The following ADGRL2 variants were observed in gnomAD, a reference collection of about 807,000 sequenced individuals.
ADGRL2 encodes the protein adhesion G protein-coupled receptor L2.
ADGRL2 carries 44 observed loss-of-function variants against 157.4 expected under a neutral mutation model. That is an observed-to-expected ratio of 0.28 (90% CI 0.22 to 0.36). The LOEUF (loss-of-function observed/expected upper bound fraction) is 0.36. Among genes scored for constraint, ADGRL2 ranks in the 10% least tolerant of loss-of-function variants. The probability of loss-of-function intolerance (pLI) is 1.00; values close to 1 mark genes in which losing one functional copy is unlikely to be tolerated. For missense variants in ADGRL2, 1,510 were observed against 1,768.9 expected (o/e 0.85, Z 2.63); for synonymous variants, 585 against 624.7 (o/e 0.94, Z 0.95).
At chr1:81,332,025 C>A (rs74644709) in intron 1 of ADGRL2, among the ~76,000 whole-genome samples, 2,639 of 152,192 alleles carry the variant, frequency 0.017, 59 homozygotes, top group South Asian at 0.051. Flanking sequence ...ACAACACAAA[C>A]TCTTTCCATG....
chr1:81,967,509 C>T (rs907486848), intron 13 of ADGRL2, among the ~76,000 whole-genome samples: 6 of 152,144 alleles, frequency 3.9e-5, no homozygotes, highest in African/African-American at 1.2e-4. Flanking sequence ...GATCCGCCCG[C>T]CTCAGCCTCC....
intron 3 of ADGRL2, among the ~76,000 whole-genome samples, chr1:81,912,133 A>G (rs2094741979): frequency 6.6e-6 from 1 of 151,488 alleles, no homozygotes; most frequent in Admixed American, 6.6e-5. Context: ...GTGCAGTGGC[A>G]TGATCTCTGC....
intron 3 of ADGRL2, among the ~76,000 whole-genome samples, chr1:81,632,381 C>G (rs2082026579): frequency 6.6e-6 from 1 of 152,110 alleles, no homozygotes; most frequent in Non-Finnish European, 1.5e-5. Context: ...AGAAAGCACA[C>G]ACATCTGGAA....
At chr1:81,593,744 G>T (rs750886783) in intron 3 of ADGRL2, among the ~76,000 whole-genome samples, 10 of 152,098 alleles carry the variant, frequency 6.6e-5, no homozygotes, top group Non-Finnish European at 1.5e-4. Flanking sequence ...ATATTCTTGA[G>T]TTCCTTCTGT....
intron 2 of ADGRL2, among the ~76,000 whole-genome samples, chr1:81,772,789 A>G (rs573572177): frequency 6.6e-6 from 1 of 152,086 alleles, no homozygotes; most frequent in African/African-American, 2.4e-5. Context: ...ACAAGTAAAT[A>G]TTGTATTAAA....
intron 1 of ADGRL2, among the ~76,000 whole-genome samples, chr1:81,356,735 C>T (rs532335101): frequency 4.0e-4 from 61 of 151,706 alleles, no homozygotes; most frequent in African/African-American, 1.4e-3. Flanking sequence ...GGGTGGATCC[C>T]GAGGTCAGGA....
chr1:81,512,447 T>C (rs186586628), intron 2 of ADGRL2, among the ~76,000 whole-genome samples: 1 of 152,306 alleles, frequency 6.6e-6, no homozygotes, highest in African/African-American at 2.4e-5. Context: ...GTGTAGTTGC[T>C]GGAATGCGGC....
chr1:81,599,970 T>C (rs2081305470), intron 3 of ADGRL2, among the ~76,000 whole-genome samples: 1 of 152,324 alleles, frequency 6.6e-6, no homozygotes, highest in Non-Finnish European at 1.5e-5. Flanking sequence ...TTGATGTCTA[T>C]TATTTTCGTT....
At chr1:81,905,492 A>G (rs1015012599) in intron 2 of ADGRL2, among the ~76,000 whole-genome samples, 1 of 152,200 alleles carries the variant, frequency 6.6e-6, no homozygotes, top group African/African-American at 2.4e-5. Flanking sequence ...CCAATTCCCA[A>G]ATAGGTTTCA....
intron 23 of ADGRL2, among the ~76,000 whole-genome samples, chr1:81,989,279 T>C (rs757300122): frequency 3.3e-5 from 5 of 152,172 alleles, no homozygotes; most frequent in Non-Finnish European, 5.9e-5. Context: ...CATTCCATAG[T>C]TAATATTTAT....
chr1:81,631,154 C>T (rs1196182285), intron 3 of ADGRL2, among the ~76,000 whole-genome samples: 1 of 152,078 alleles, frequency 6.6e-6, no homozygotes, highest in Non-Finnish European at 1.5e-5. Context: ...ACTGGCCCCA[C>T]CACCCTCACT....
intron 1 of ADGRL2, among the ~76,000 whole-genome samples, chr1:81,827,804 A>G (rs1208063390): frequency 1.3e-5 from 2 of 152,090 alleles, no homozygotes; most frequent in South Asian, 2.1e-4. Flanking sequence ...ACCTCAGCCA[A>G]TCCACCGGCC....
At chr1:81,730,075 G>T (rs9324183) in intron 1 of ADGRL2, among the ~76,000 whole-genome samples, 47,242 of 151,896 alleles carry the variant, frequency 0.31, 7,534 homozygotes, top group South Asian at 0.44. Flanking sequence ...TCCTAGGAAG[G>T]CACAACTGTC....
At chr1:81,829,085 T>C (rs2091741210) in intron 1 of ADGRL2, among the ~76,000 whole-genome samples, 1 of 152,048 alleles carries the variant, frequency 6.6e-6, no homozygotes, top group Non-Finnish European at 1.5e-5. Flanking sequence ...CTAATTTTTG[T>C]GTTTTTAGTA....
chr1:81,901,192 C>T (rs79732824), intron 2 of ADGRL2, among the ~76,000 whole-genome samples: 3,226 of 152,078 alleles, frequency 0.021, 52 homozygotes, highest in South Asian at 0.036. Context: ...GATGTGGACC[C>T]AGTGTTAGAT....
chr1:81,661,992 A>G (rs1405029377), intron 3 of ADGRL2, among the ~76,000 whole-genome samples: 1 of 152,132 alleles, frequency 6.6e-6, no homozygotes, highest in Non-Finnish European at 1.5e-5. Flanking sequence ...AGTCAACTTA[A>G]GAGTTTTTTT....
At chr1:81,879,120 A>T (rs1233436488) in intron 2 of ADGRL2, among the ~76,000 whole-genome samples, 1 of 152,188 alleles carries the variant, frequency 6.6e-6, no homozygotes, top group Non-Finnish European at 1.5e-5. Flanking sequence ...ATTAGTTTAG[A>T]GATTATTGAA....
rs564301217 is a variant in ADGRL2, at chr1:81,810,637, A to G, written c.-101+9569A>G. Among the ~76,000 whole-genome samples the G allele has an allele frequency of 1.8e-3, 270 of 151,940 alleles. 1 individual carries two copies. Among genetic ancestry groups the G allele is most frequent in the African/African-American group, 6.3e-3 (261 of 41,512 alleles). On this transcript the variant is annotated intron_variant, in intron 1 of 23. Transcript: ENST00000686636. ...ATCTAAGACATTTTGGGAAACATTA[A>G]TTTTGATAATATTCTATGCTTATGT...
At chr1:81,946,892 A>G (rs773946869) in intron 6 of ADGRL2, among the ~76,000 whole-genome samples, 59 of 152,180 alleles carry the variant, frequency 3.9e-4, no homozygotes, top group Non-Finnish European at 7.3e-4. Context: ...AGTGAGGAGA[A>G]TATTACCCTT....
Sources: gnomAD v4.1 joint callset for allele counts (sites outside exome capture counted in the v4.1 genomes callset) on GRCh38, gnomAD v4.1.1 for gene constraint, MANE v1.5 for transcripts, NCBI Gene and HGNC (gene_info 2026-07-23, HGNC 2026-07-21) for gene names.